CACNA1C: variants seen among roughly 807,000 people sequenced by gnomAD.
CACNA1C encodes voltage-dependent L-type calcium channel subunit alpha-1C.
In CACNA1C, 30 loss-of-function variants were observed where a neutral mutation model predicts 229.0. The ratio of observed to expected loss-of-function variants is 0.13; its 90% CI spans 0.10 to 0.18. The LOEUF is 0.18. Ranked by LOEUF, CACNA1C falls within the 10% of genes least tolerant of loss-of-function variation. The pLI is 1.00. For synonymous variants in CACNA1C, 1,114 were observed against 1,132.5 expected (o/e 0.98, Z 0.33); for missense variants, 1,658 against 2,845.0 (o/e 0.58, Z 9.49).
chr12:2,617,985 G>A (rs74053886), intron 29 of CACNA1C, among the ~76,000 whole-genome samples: 4,761 of 152,300 alleles, frequency 0.031, 255 homozygotes, highest in African/African-American at 0.11. Flanking sequence ...CACATGACCC[G>A]AAGATACTGT....
chr12:2,191,918 AC>A, intron 3 of CACNA1C, among the ~76,000 whole-genome samples: 1 of 152,020 alleles, frequency 6.6e-6, no homozygotes. Context: ...ATGGTCTCAC[AC>A]AGGCACACAC....
chr12:2,632,031 T>G lies in CACNA1C; in HGVS notation c.3829-2266T>G, dbSNP rs569185510. Among the ~76,000 whole-genome samples the G allele has an allele frequency of 9.3e-5, 14 of 151,202 alleles. 1 individual carries two copies. Among genetic ancestry groups the G allele is most frequent in the Admixed American group, 2.0e-4 (3 of 15,148 alleles). On this transcript the variant is annotated intron_variant, in intron 29 of 46. Coordinates refer to ENST00000399655, the MANE Select transcript of CACNA1C (RefSeq NM_000719.7). This position sits in a 1 kb window ranked among gnomAD's most constrained non-coding sequence, Gnocchi z 4.1. ...AAAAGTTGGCAGCCTTCAAGTGAGC[T>G]GGGGAGAGATCTGGGGAACCTCTCG...
intron 3 of CACNA1C, among the ~76,000 whole-genome samples, chr12:2,225,238 A>C (rs1171370907): frequency 6.6e-6 from 1 of 152,220 alleles, no homozygotes; most frequent in African/African-American, 2.4e-5. Context: ...CTTATGTAGC[A>C]TTGCACAAAG....
intron 3 of CACNA1C, among the ~76,000 whole-genome samples, chr12:2,281,062 G>C (rs556106048): frequency 3.0e-4 from 45 of 152,122 alleles, no homozygotes; most frequent in African/African-American, 1.0e-3. Context: ...GCTGCACCCA[G>C]TAACTCGTCA....
In CACNA1C at chr12:2,653,762, G is replaced by C; in HGVS notation, c.4075-73G>C. Reference sequence around the variant, plus strand: ...CTGATGGCTGCAGAGACAGGGATGCGGCGCTCCCTGGGAAGGGGCCCAGCT... The same window carrying C: ...CTGATGGCTGCAGAGACAGGGATGCCGCGCTCCCTGGGAAGGGGCCCAGCT... On this transcript the variant is annotated intron_variant, in intron 32 of 46. Coordinates refer to ENST00000399655, the MANE Select transcript of CACNA1C (RefSeq NM_000719.7). This position sits in a 1 kb window ranked among gnomAD's most constrained non-coding sequence, Gnocchi z 4.7. 2 of 1,288,710 alleles carry C rather than the reference G, an allele frequency of 1.6e-6. No homozygotes were observed. The highest frequency in any genetic ancestry group is 2.2e-6 in the Non-Finnish European group (2 of 891,666). 79.8% of individuals were successfully genotyped at this position (1,288,710 alleles called of 1,614,324 possible).
At chr12:2,583,631 G>T (rs2061401537) in intron 15 of CACNA1C, among the ~76,000 whole-genome samples, 2 of 152,320 alleles carry the variant, frequency 1.3e-5, no homozygotes, top group South Asian at 4.2e-4. Context: ...TGCAGACAAG[G>T]TTTCCTCTTT....
At chr12:2,161,118 C>A (rs905682387) in intron 3 of CACNA1C, among the ~76,000 whole-genome samples, 1 of 152,260 alleles carries the variant, frequency 6.6e-6, no homozygotes, top group Non-Finnish European at 1.5e-5. Context: ...CCGCACCCGG[C>A]TAGCTCTGGT....
At chr12:2,196,117 T>G (rs1021994273) in intron 3 of CACNA1C, among the ~76,000 whole-genome samples, 5 of 152,204 alleles carry the variant, frequency 3.3e-5, no homozygotes, top group Non-Finnish European at 7.3e-5. Flanking sequence ...GATTATGATG[T>G]AACTGATGAG....
intron 3 of CACNA1C, among the ~76,000 whole-genome samples, chr12:2,373,661 C>G (rs568114155): frequency 6.6e-6 from 1 of 152,278 alleles, no homozygotes; most frequent in Admixed American, 6.5e-5. Flanking sequence ...ATATGGGAAC[C>G]ATTGAAAGTA....
chr12:2,232,194 C>A (rs2065398024), intron 3 of CACNA1C, among the ~76,000 whole-genome samples: 1 of 145,528 alleles, frequency 6.9e-6, no homozygotes. Flanking sequence ...TCCTTTGTCT[C>A]ATCCAAGTGG....
At chr12:2,370,490 G>C (rs1202290495) in intron 3 of CACNA1C, among the ~76,000 whole-genome samples, 1 of 152,226 alleles carries the variant, frequency 6.6e-6, no homozygotes, top group Non-Finnish European at 1.5e-5. Flanking sequence ...TAACTCATAT[G>C]ATGAGCTAAT....
chr12:2,141,195 G>T (rs956826321), intron 3 of CACNA1C, among the ~76,000 whole-genome samples: 14 of 151,244 alleles, frequency 9.3e-5, no homozygotes, highest in African/African-American at 3.4e-4. Context: ...GCTGAATTAT[G>T]TGGGTCAGCA....
At chr12:2,295,311 C>G (rs1198547782) in intron 3 of CACNA1C, among the ~76,000 whole-genome samples, 1 of 152,158 alleles carries the variant, frequency 6.6e-6, no homozygotes, top group Non-Finnish European at 1.5e-5. Flanking sequence ...TCTGGCAACC[C>G]CAACTAACAT....
At chr12:2,360,867 G>T (rs976001694) in intron 3 of CACNA1C, among the ~76,000 whole-genome samples, 9 of 152,040 alleles carry the variant, frequency 5.9e-5, no homozygotes, top group South Asian at 4.1e-4. Flanking sequence ...TTATCCTAGG[G>T]AAGTTGGGAA....
intron 3 of CACNA1C, among the ~76,000 whole-genome samples, chr12:2,308,088 C>A (rs138097093): frequency 1.2e-3 from 184 of 152,216 alleles, no homozygotes; most frequent in Middle Eastern, 6.8e-3. Flanking sequence ...AGTAAAGAAC[C>A]AAAACTGTGT....
chr12:2,398,232 C>T (rs186037536), intron 3 of CACNA1C, among the ~76,000 whole-genome samples: 46 of 152,372 alleles, frequency 3.0e-4, no homozygotes, highest in Admixed American at 6.5e-4. Context: ...CTGAAGGCCT[C>T]TTCCACATAC....
chr12:1,995,495 T>C (rs968320360), intron 1 of CACNA1C, among the ~76,000 whole-genome samples: 2 of 152,272 alleles, frequency 1.3e-5, no homozygotes, highest in Non-Finnish European at 2.9e-5. Flanking sequence ...CCAACGGTTC[T>C]TGGGTACTCC....
At chr12:2,241,235 G>C (rs882195) in intron 3 of CACNA1C, among the ~76,000 whole-genome samples, 79,851 of 151,906 alleles carry the variant, frequency 0.53, 22,771 homozygotes, top group African/African-American at 0.76. Flanking sequence ...GCTGTGTATT[G>C]TCACATAGAT....
rs944304467 is a variant in CACNA1C at position 2,285,099 on chromosome 12, T to C, written c.478-163877T>C. 3.9e-5 allele frequency among the ~76,000 whole-genome samples: 6 copies of C among 152,214 alleles called. No homozygotes were observed. Among genetic ancestry groups the C allele is most frequent in the African/African-American group, 1.2e-4 (5 of 41,456 alleles). On this transcript the variant is annotated intron_variant, in intron 3 of 46. Coordinates refer to ENST00000399655, the MANE Select transcript of CACNA1C (RefSeq NM_000719.7). This position sits in a 1 kb window ranked among gnomAD's most constrained non-coding sequence, Gnocchi z 4.2. Reference sequence around the variant, plus strand: ...GGAGGAGGGACGGGCCGCTAAGTGCTGACGGCAGCCTGTCACTCACACCTT... The same window carrying C: ...GGAGGAGGGACGGGCCGCTAAGTGCCGACGGCAGCCTGTCACTCACACCTT...
Sources: gnomAD v4.1 joint callset for allele counts (sites outside exome capture counted in the v4.1 genomes callset) on GRCh38, gnomAD v4.1.1 for gene constraint, Gnocchi (gnomAD v3.1) non-coding constraint, MANE v1.5 for transcripts, NCBI Gene and HGNC (gene_info 2026-07-23, HGNC 2026-07-21) for gene names.